TNKS: variants seen among roughly 807,000 people sequenced by gnomAD.
TNKS encodes tankyrase, also known as poly [ADP-ribose] polymerase tankyrase-1.
A neutral mutation model predicts 135.8 loss-of-function variants in TNKS; 72 were observed. The ratio of observed to expected loss-of-function variants is 0.53; its 90% confidence interval spans 0.44 to 0.64. The LOEUF (loss-of-function observed/expected upper bound fraction) is 0.64, where lower values mean the gene tolerates loss of function less well. Ranked by LOEUF, TNKS falls within the 30% of genes least tolerant of loss-of-function variation. The probability of loss-of-function intolerance (pLI) is 0.00; values close to 1 mark genes in which losing one functional copy is unlikely to be tolerated. For missense variants in TNKS, 1,769 were observed against 1,674.0 expected (o/e 1.06, Z -0.99); for synonymous variants, 849 against 649.3 (o/e 1.31, Z -4.68).
chr8:9,629,026 C>G (rs1164232935), intron 3 of TNKS, among the ~76,000 whole-genome samples: 1 of 152,188 alleles, frequency 6.6e-6, no homozygotes, highest in African/African-American at 2.4e-5. Flanking sequence ...CCTCCAAAAT[C>G]TATTCCAAAT....
chr8:9,604,665 C>T (rs535432619), intron 2 of TNKS, among the ~76,000 whole-genome samples: 2 of 151,694 alleles, frequency 1.3e-5, no homozygotes, highest in Non-Finnish European at 2.9e-5. Context: ...TGAATTTATC[C>T]TGTTGGTGCT....
intron 14 of TNKS, 78 bp from the exon 15 acceptor site, chr8:9,733,201 T>C (rs1372479073): frequency 3.6e-6 from 5 of 1,394,072 alleles, no homozygotes; most frequent in African/African-American, 1.4e-5. Flanking sequence ...CATAGAAGAA[T>C]GGTAGGATTT....
chr8:9,572,723 T>C (rs1797802754), intron 1 of TNKS, among the ~76,000 whole-genome samples: 1 of 152,210 alleles, frequency 6.6e-6, no homozygotes, highest in East Asian at 1.9e-4. Flanking sequence ...GGCTGCCTCC[T>C]GCACATCAGC....
chr8:9,672,709 C>CA lies in TNKS; in HGVS notation c.995-7241dup, dbSNP rs1203663457. Among the ~76,000 whole-genome samples, 605 of 91,784 alleles carry CA rather than the reference C, an allele frequency of 6.6e-3. 2 individuals carry two copies. Among genetic ancestry groups the CA allele is most frequent in the South Asian group, 0.011 (26 of 2,434 alleles). 60.2% of individuals were successfully genotyped at this position (91,784 alleles called of 152,430 possible). ...ACACACACACACACACACACACACA[C>CA]ACAAAAAAAAAAAAACAAACTAATA... On this transcript the variant is annotated intron_variant, in intron 3 of 26. Transcript: ENST00000310430.
chr8:9,715,488 A>G (rs1424996468), intron 11 of TNKS, among the ~76,000 whole-genome samples: 1 of 152,048 alleles, frequency 6.6e-6, no homozygotes, highest in Non-Finnish European at 1.5e-5. Flanking sequence ...CAAAGGATGT[A>G]TCTAATGTTA....
intron 5 of TNKS, among the ~76,000 whole-genome samples, chr8:9,701,553 T>C (rs1803805322): frequency 6.6e-6 from 1 of 152,130 alleles, no homozygotes; most frequent in Non-Finnish European, 1.5e-5. Flanking sequence ...GAATCCAAGA[T>C]AGAATAAGAG....
At chr8:9,575,806 A>C (rs532259810) in intron 1 of TNKS, among the ~76,000 whole-genome samples, 1 of 152,242 alleles carries the variant, frequency 6.6e-6, no homozygotes, top group Admixed American at 6.5e-5. Context: ...GCATGGATTT[A>C]ACTATGAGTA....
At chr8:9,615,304 A>C (rs1799597944) in intron 2 of TNKS, 1 of 232,550 alleles carries the variant, frequency 4.3e-6, no homozygotes, top group East Asian at 9.5e-5. Context: ...CTGCTGCTTG[A>C]AGGAGGCAAA....
chr8:9,776,494 G>A lies in TNKS; in HGVS notation c.3898-156G>A, dbSNP rs568321034. Reference sequence around the variant, plus strand: ...TTTATACACATTTATTTACAGTTAAGTAGGTGAACCTCAAATTGTTCAGGC... The same window carrying A: ...TTTATACACATTTATTTACAGTTAAATAGGTGAACCTCAAATTGTTCAGGC... On this transcript the variant is annotated intron_variant, in intron 26 of 26. Transcript: ENST00000310430. Among the ~76,000 whole-genome samples the A allele has an allele frequency of 3.0e-3, 463 of 152,294 alleles. 4 individuals carry two copies. Among genetic ancestry groups the A allele is most frequent in the African/African-American group, 9.7e-3 (403 of 41,576 alleles).
intron 20 of TNKS, among the ~76,000 whole-genome samples, chr8:9,758,292 G>C (rs941215394): frequency 7.2e-5 from 11 of 152,162 alleles, no homozygotes; most frequent in African/African-American, 2.7e-4. Context: ...ATATTCAGTT[G>C]CAAGTATAGA....
chr8:9,763,055 T>C (rs1186600948), intron 21 of TNKS, 92 bp from the exon 22 acceptor site: 1 of 571,590 alleles, frequency 1.7e-6, no homozygotes, highest in Non-Finnish European at 2.7e-6. Flanking sequence ...CTCAATTACT[T>C]ATTATGAATT....
chr8:9,687,909 T>G (rs1803081917), intron 5 of TNKS, among the ~76,000 whole-genome samples: 1 of 152,230 alleles, frequency 6.6e-6, no homozygotes, highest in Non-Finnish European at 1.5e-5. Flanking sequence ...AAAGTGTTCT[T>G]TCTGCCTTTA....
chr8:9,614,420 G>A (rs1799565409), intron 2 of TNKS, among the ~76,000 whole-genome samples: 1 of 152,186 alleles, frequency 6.6e-6, no homozygotes, highest in African/African-American at 2.4e-5. Flanking sequence ...AGATGTACAG[G>A]CTCACCTTCC....
At chr8:9,640,438 T>A (rs1274225016) in intron 3 of TNKS, among the ~76,000 whole-genome samples, 4 of 145,330 alleles carry the variant, frequency 2.8e-5, no homozygotes, top group Non-Finnish European at 4.5e-5. Context: ...TCAAACCATA[T>A]CATAAAGCTA....
At chr8:9,768,815 G>C (rs942735953) in intron 25 of TNKS, among the ~76,000 whole-genome samples, 23 of 152,176 alleles carry the variant, frequency 1.5e-4, no homozygotes, top group African/African-American at 5.3e-4. Context: ...ACCTGCAGGA[G>C]AATATAGTAG....
intron 21 of TNKS, among the ~76,000 whole-genome samples, chr8:9,762,151 C>T (rs1031020640): frequency 4.6e-5 from 7 of 152,236 alleles, no homozygotes. Flanking sequence ...TTTCCTCCCT[C>T]CCACATGACT....
At chr8:9,662,811 T>C (rs1334326482) in intron 3 of TNKS, among the ~76,000 whole-genome samples, 1 of 152,240 alleles carries the variant, frequency 6.6e-6, no homozygotes, top group Non-Finnish European at 1.5e-5. Flanking sequence ...TTGAGAGGCA[T>C]CATTCACTGT....
At chr8:9,681,615 A>T (rs1302447642) in intron 5 of TNKS, among the ~76,000 whole-genome samples, 1 of 152,142 alleles carries the variant, frequency 6.6e-6, no homozygotes, top group Non-Finnish European at 1.5e-5. Flanking sequence ...CACATTACAA[A>T]AATTGAGGAA....
chr8:9,615,482 G>T, intron 2 of TNKS, 100 bp from the exon 3 acceptor site: 3 of 814,366 alleles, frequency 3.7e-6, no homozygotes, highest in Non-Finnish European at 3.5e-6. Context: ...AAAAATTTGT[G>T]CAATGTATGT....
Sources: allele counts gnomAD v4.1 joint callset (sites outside exome capture counted in the v4.1 genomes callset), GRCh38; gene constraint gnomAD v4.1.1; transcripts MANE v1.5; gene names NCBI Gene and HGNC (gene_info 2026-07-23, HGNC 2026-07-21).